CLMP: variants seen among roughly 807,000 people sequenced by gnomAD.
The protein encoded by CLMP is CXADR-like membrane protein.
In CLMP, 27 loss-of-function variants were observed where a neutral mutation model predicts 45.2. That is an observed-to-expected ratio of 0.60 (90% CI 0.44 to 0.82). CLMP has a LOEUF of 0.82. CLMP is among the 40% of genes least tolerant of loss of function. The pLI is 0.00. For synonymous variants in CLMP, 167 were observed against 171.4 expected, an observed-to-expected ratio of 0.97 and a Z score of 0.20; for missense variants, 403 against 448.4, an observed-to-expected ratio of 0.90 and a Z score of 0.91.
intron 1 of CLMP, among the ~76,000 whole-genome samples, chr11:123,162,586 C>T (rs371790870): frequency 1.3e-5 from 2 of 151,048 alleles, no homozygotes; most frequent in East Asian, 3.9e-4. Context: ...GCTTATAGTC[C>T]ACAAGGGAAG....
rs1305706470 is a variant in CLMP at position 123,106,414 on chromosome 11, TGTGTGTGTGTGCGC to T, written c.29-8476_29-8463del. Among the ~76,000 whole-genome samples the T allele has an allele frequency of 6.2e-5, 8 of 129,082 alleles. No individual in the cohort carries two copies. The South Asian group carries it at 7.3e-4, about 12-fold the overall frequency. The allele number at this position is 129,082 out of a possible 152,430, so 84.7% of individuals were successfully genotyped here. On this transcript the variant is annotated intron_variant, in intron 1 of 6. Coordinates refer to ENST00000448775, the MANE Select transcript of CLMP (RefSeq NM_024769.5). ...GTGTGTGTGTGTGTGTGTGTGTGTG[TGTGTGTGTGTGCGC>T]GCGCGCGCGCGCACGTGCCTGCCTT...
intron 1 of CLMP, among the ~76,000 whole-genome samples, chr11:123,117,751 C>A (rs116013092): frequency 0.022 from 3,407 of 152,194 alleles, 133 homozygotes; most frequent in African/African-American, 0.077. Context: ...GCTATAAATA[C>A]AATAAACTAT....
At chr11:123,168,375 A>G (rs1209060663) in intron 1 of CLMP, among the ~76,000 whole-genome samples, 4 of 152,098 alleles carry the variant, frequency 2.6e-5, no homozygotes, top group Non-Finnish European at 5.9e-5. Flanking sequence ...TCCTATCTAC[A>G]TCTGGATTCC....
chr11:123,140,512 G>A (rs901711189), intron 1 of CLMP, among the ~76,000 whole-genome samples: 1 of 151,836 alleles, frequency 6.6e-6, no homozygotes, highest in Non-Finnish European at 1.5e-5. Flanking sequence ...AATGTGGGGG[G>A]GTGTCCTGGT....
chr11:123,187,975 C>T (rs868300577), intron 1 of CLMP, among the ~76,000 whole-genome samples: 1 of 152,318 alleles, frequency 6.6e-6, no homozygotes. Flanking sequence ...CGAAGACCTG[C>T]ATGAGAAGAA....
At position 123,140,006 on chromosome 11, in the gene CLMP, C is replaced by G. The variant is rs191535689; in HGVS notation, c.29-42054G>C. On this transcript the variant is annotated intron_variant, in intron 1 of 6. Transcript: ENST00000448775. The stretch of plus-strand genomic sequence containing the variant: ...CGGCCATTAAGATTCAGAATAGGCA[C>G]TGACTCAATGGTTGGAATATTATGG... 1.1e-4 allele frequency among the ~76,000 whole-genome samples: 17 copies of G among 152,262 alleles called. 2 individuals carry two copies. Among genetic ancestry groups the G allele is most frequent in the African/African-American group, 3.9e-4 (16 of 41,556 alleles).
chr11:123,097,122 G>T (rs1360551656), intron 2 of CLMP, among the ~76,000 whole-genome samples: 1 of 152,042 alleles, frequency 6.6e-6, no homozygotes, highest in Admixed American at 6.6e-5. Flanking sequence ...AAAGTGTTGG[G>T]ATTGCAGGTG....
At chr11:123,124,279 G>C (rs1385825884) in intron 1 of CLMP, among the ~76,000 whole-genome samples, 1 of 152,128 alleles carries the variant, frequency 6.6e-6, no homozygotes. Context: ...GCCTCCCAAA[G>C]TGTTGGGATT....
At chr11:123,080,543 T>G (rs1013908320) in intron 5 of CLMP, among the ~76,000 whole-genome samples, 8 of 152,038 alleles carry the variant, frequency 5.3e-5, no homozygotes, top group Admixed American at 3.3e-4. Flanking sequence ...GTCAGGCTGG[T>G]CTCGAACTCC....
At chr11:123,092,581 C>T (rs1865944875) in intron 2 of CLMP, among the ~76,000 whole-genome samples, 1 of 152,050 alleles carries the variant, frequency 6.6e-6, no homozygotes, top group Non-Finnish European at 1.5e-5. Context: ...CAGGCGTGAG[C>T]CACTGTGCCT....
chr11:123,112,377 G>A (rs572839732), intron 1 of CLMP, among the ~76,000 whole-genome samples: 35 of 139,820 alleles, frequency 2.5e-4, no homozygotes, highest in Admixed American at 1.9e-3. Context: ...TGCTCTTGTC[G>A]CCCAGGCTGG....
At chr11:123,155,776 G>T (rs4935827) in intron 1 of CLMP, among the ~76,000 whole-genome samples, 42,835 of 151,986 alleles carry the variant, frequency 0.28, 6,313 homozygotes, top group African/African-American at 0.35. Flanking sequence ...GTAGGATTTT[G>T]CAGAAATGAT....
chr11:123,150,601 GGAAT>G (rs1236053329), intron 1 of CLMP, among the ~76,000 whole-genome samples: 116 of 137,796 alleles, frequency 8.4e-4, no homozygotes, highest in South Asian at 1.6e-3. Context: ...AAGGAAGGAA[GGAAT>G]GAAGGAAGGA....
chr11:123,082,198 TTTTG>T (rs1342418236), intron 5 of CLMP, among the ~76,000 whole-genome samples: 3 of 152,098 alleles, frequency 2.0e-5, no homozygotes, highest in Admixed American at 6.6e-5. Flanking sequence ...AGCTGCACGG[TTTTG>T]TTTGTTTTTG....
At chr11:123,075,559 T>C (rs1865729007) in intron 5 of CLMP, among the ~76,000 whole-genome samples, 1 of 151,970 alleles carries the variant, frequency 6.6e-6, no homozygotes, top group African/African-American at 2.4e-5. Context: ...GCTAGTTTTT[T>C]TGTATTTTTA....
At chr11:123,166,284 CT>C (rs1203654462) in intron 1 of CLMP, among the ~76,000 whole-genome samples, 1 of 151,978 alleles carries the variant, frequency 6.6e-6, no homozygotes, top group Non-Finnish European at 1.5e-5. Flanking sequence ...CTTCTCCAGC[CT>C]TATCTCTTTC....
chr11:123,090,144 C>A (rs1865913640), intron 2 of CLMP, among the ~76,000 whole-genome samples: 1 of 150,876 alleles, frequency 6.6e-6, no homozygotes, highest in African/African-American at 2.4e-5. Context: ...GGTTGTGATA[C>A]AGATTTTGAA....
intron 1 of CLMP, among the ~76,000 whole-genome samples, chr11:123,181,643 G>A (rs1861772044): frequency 6.6e-6 from 1 of 152,168 alleles, no homozygotes; most frequent in Non-Finnish European, 1.5e-5. Flanking sequence ...CACAGTACCA[G>A]GCAAGGGAGT....
chr11:123,102,705 AGCT>A (rs1860471222), intron 1 of CLMP, among the ~76,000 whole-genome samples: 2 of 108,366 alleles, frequency 1.8e-5, no homozygotes, highest in Admixed American at 1.9e-4. Context: ...CCTCCCGAGT[AGCT>A]TTTTTTTTTT....
Sources: gnomAD v4.1 joint callset for allele counts (sites outside exome capture counted in the v4.1 genomes callset) on GRCh38, gnomAD v4.1.1 for gene constraint, MANE v1.5 for transcripts, NCBI Gene and HGNC (gene_info 2026-07-23, HGNC 2026-07-21) for gene names.